FANCB: variants seen among roughly 807,000 people sequenced by gnomAD.
FANCB encodes Fanconi anemia group B protein.
In FANCB, 5 loss-of-function variants were observed where a neutral mutation model predicts 38.9. The ratio of observed to expected loss-of-function variants is 0.13; its 90% confidence interval spans 0.07 to 0.27. FANCB has a LOEUF of 0.27. Ranked by LOEUF, FANCB falls within the 10% of genes least tolerant of loss-of-function variation. The pLI is 1.00. For missense variants in FANCB, 573 were observed against 602.7 expected (o/e 0.95, Z 0.52); for synonymous variants, 236 against 215.4 (o/e 1.10, Z -0.84).
At chrX:14,833,014 T>A (rs1388025113), downstream of FANCB, among the ~76,000 whole-genome samples, 2 of 112,507 alleles carry the variant, frequency 1.8e-5, no homozygotes, top group Non-Finnish European at 3.7e-5. Flanking sequence ...TTCAGAGTAA[T>A]TTCTCATTTA....
chrX:14,761,981 A>G, the FANCB span, among the ~76,000 whole-genome samples: 3 of 111,725 alleles, frequency 2.7e-5, no homozygotes, highest in Non-Finnish European at 5.6e-5. Context: ...TTCTGCTGCT[A>G]TAATGAAATA....
chrX:14,820,790 G>T, the FANCB span, among the ~76,000 whole-genome samples: 2 of 111,547 alleles, frequency 1.8e-5, no homozygotes. Context: ...TTATTAAAAT[G>T]CATTTTATTA....
chrX:14,765,654 T>G, the FANCB span, among the ~76,000 whole-genome samples: 1 of 112,246 alleles, frequency 8.9e-6, no homozygotes, highest in South Asian at 3.7e-4. Flanking sequence ...TCTTACTTAC[T>G]GAAGTTGGCA....
the FANCB span, among the ~76,000 whole-genome samples, chrX:14,802,079 G>T: frequency 9.0e-6 from 1 of 111,412 alleles, no homozygotes; most frequent in Non-Finnish European, 1.9e-5. Context: ...GATGGATTGT[G>T]AAGATAAACA....
the FANCB span, among the ~76,000 whole-genome samples, chrX:14,772,166 T>C: frequency 2.1e-4 from 23 of 110,984 alleles, no homozygotes; most frequent in Non-Finnish European, 4.0e-4. Context: ...GCCTTCCTTG[T>C]CCAGACCACC....
the FANCB span, among the ~76,000 whole-genome samples, chrX:14,810,225 G>A: frequency 2.7e-5 from 3 of 112,003 alleles, no homozygotes; most frequent in Middle Eastern, 4.6e-3. Context: ...AAAAAACAGA[G>A]CAGGAAAACT....
the FANCB span, among the ~76,000 whole-genome samples, chrX:14,721,077 G>A: frequency 9.5e-6 from 1 of 104,986 alleles, no homozygotes; most frequent in Non-Finnish European, 1.9e-5. Context: ...CTGTGATCAT[G>A]GCACTGCACT....
chrX:14,731,243 AACTT>A, the FANCB span: 8 of 112,466 alleles, frequency 7.1e-5, no homozygotes, highest in African/African-American at 2.3e-4. Flanking sequence ...AAAATTTTGA[AACTT>A]AAATTGTGTA....
Position 14,836,437 on chromosome X carries a change from G to A in FANCB, c.*1567-182C>T, listed in dbSNP as rs145725357. Among the ~76,000 whole-genome samples, 583 of 111,190 alleles carry A rather than the reference G, an allele frequency of 5.2e-3. 6 individuals carry two copies. The highest frequency in any genetic ancestry group is 0.018 in the African/African-American group (546 of 30,597). On this transcript the variant is annotated intron_variant and NMD_transcript_variant, in intron 10 of 10. Coordinates refer to the FANCB transcript ENST00000643728. The stretch of plus-strand genomic sequence containing the variant: ...TTTTTCAACTACAACAAATAAATAG[G>A]GCAAAATAATTGAGGTAATCGATTT...
the FANCB span, among the ~76,000 whole-genome samples, chrX:14,792,634 T>C: frequency 8.9e-6 from 1 of 112,164 alleles, no homozygotes; most frequent in East Asian, 2.8e-4. Context: ...TCACTTATAA[T>C]ACTGTAAATT....
the FANCB span, among the ~76,000 whole-genome samples, chrX:14,752,335 A>G: frequency 8.9e-6 from 1 of 112,257 alleles, no homozygotes; most frequent in Admixed American, 9.4e-5. Flanking sequence ...TTATCCCATA[A>G]TAACAAAAGG....
chrX:14,799,659 A>C, the FANCB span, among the ~76,000 whole-genome samples: 2 of 112,200 alleles, frequency 1.8e-5, no homozygotes, highest in Admixed American at 1.9e-4. Context: ...GACAGGGTTC[A>C]GAGGGAAGTG....
At chrX:14,701,484 A>G in the FANCB span, among the ~76,000 whole-genome samples, 1 of 111,594 alleles carries the variant, frequency 9.0e-6, no homozygotes, top group African/African-American at 3.3e-5. Flanking sequence ...CACAGGTTGC[A>G]TGCCCGTGAA....
the FANCB span, among the ~76,000 whole-genome samples, chrX:14,823,207 C>T: frequency 9.4e-6 from 1 of 106,545 alleles, no homozygotes; most frequent in African/African-American, 3.4e-5. Flanking sequence ...CTCAGCCTCC[C>T]GAGTAGCTGG....
intron 7 of FANCB, among the ~76,000 whole-genome samples, chrX:14,848,936 T>TTG (rs376982407): frequency 9.1e-6 from 1 of 110,296 alleles, no homozygotes; most frequent in Non-Finnish European, 1.9e-5. Context: ...TTTCACTATC[T>TTG]TGTGTGTGTG....
chrX:14,706,746 T>A, the FANCB span, among the ~76,000 whole-genome samples: 5 of 112,168 alleles, frequency 4.5e-5, no homozygotes. Context: ...ACAGGATCCA[T>A]GATAGAGTGA....
At chrX:14,796,897 A>G in the FANCB span, among the ~76,000 whole-genome samples, 1 of 110,402 alleles carries the variant, frequency 9.1e-6, no homozygotes, top group Middle Eastern at 4.7e-3. Flanking sequence ...TGTTGATTCC[A>G]GCCCAAAAGC....
At chrX:14,747,858 T>C in the FANCB span, among the ~76,000 whole-genome samples, 1 of 112,298 alleles carries the variant, frequency 8.9e-6, no homozygotes, top group Admixed American at 9.4e-5. Context: ...TTGGGGTTGA[T>C]TTGTAATGCA....
intron 4 of FANCB, among the ~76,000 whole-genome samples, chrX:14,858,508 C>T (rs1015135296): frequency 9.0e-6 from 1 of 111,634 alleles, no homozygotes; most frequent in Non-Finnish European, 1.9e-5. Context: ...TTATATACTG[C>T]TTTACAAAGT....
Sources: gnomAD v4.1 joint callset for allele counts (sites outside exome capture counted in the v4.1 genomes callset) on GRCh38, gnomAD v4.1.1 for gene constraint, MANE v1.5 for transcripts, NCBI Gene and HGNC (gene_info 2026-07-23, HGNC 2026-07-21) for gene names.